Variants in RBPMS observed in about 807,000 individuals in gnomAD.
RBPMS encodes the protein RNA-binding protein with multiple splicing.
A neutral mutation model predicts 26.8 loss-of-function variants in RBPMS; 7 were observed. That is an observed-to-expected ratio of 0.26 (90% CI 0.15 to 0.49). The LOEUF is 0.49. Ranked by LOEUF, RBPMS falls within the 20% of genes least tolerant of loss-of-function variation. The pLI is 0.98. For missense variants in RBPMS, 186 were observed against 250.0 expected (o/e 0.74, Z 1.73); for synonymous variants, 96 against 93.3 (o/e 1.03, Z -0.17).
intron 1 of RBPMS, among the ~76,000 whole-genome samples, chr8:30,449,965 A>G (rs1224229476): frequency 6.6e-6 from 1 of 152,258 alleles, no homozygotes; most frequent in East Asian, 1.9e-4. Context: ...CTTCAAGTCA[A>G]CTAGGATGTC....
At chr8:30,434,830 C>A (rs994009485) in intron 1 of RBPMS, among the ~76,000 whole-genome samples, 2 of 151,972 alleles carry the variant, frequency 1.3e-5, no homozygotes, top group East Asian at 3.9e-4. Context: ...TTTTCTCTGG[C>A]AGCAAGGATT....
At chr8:30,419,450 A>ATTGTGTGTG (rs1554509328) in intron 1 of RBPMS, among the ~76,000 whole-genome samples, 26 of 143,282 alleles carry the variant, frequency 1.8e-4, no homozygotes, top group Admixed American at 2.8e-4. Flanking sequence ...CATCTCAAAA[A>ATTGTGTGTG]TGTGTGTGTG....
intron 1 of RBPMS, among the ~76,000 whole-genome samples, chr8:30,420,943 G>A (rs562844820): frequency 1.3e-5 from 2 of 152,210 alleles, no homozygotes; most frequent in Admixed American, 6.5e-5. Context: ...CAATTGACAG[G>A]CTAGTTAGTA....
intron 6 of RBPMS, chr8:30,553,495 G>C (rs989765212): frequency 6.6e-6 from 1 of 152,256 alleles, no homozygotes; most frequent in Non-Finnish European, 1.5e-5. Flanking sequence ...AGAGCTTGCT[G>C]TAATGGCCTA....
chr8:30,443,388 C>T (rs999066891), intron 1 of RBPMS, among the ~76,000 whole-genome samples: 2 of 152,078 alleles, frequency 1.3e-5, no homozygotes, highest in African/African-American at 2.4e-5. Context: ...GTTAAGAGCC[C>T]AGGCTTTGAA....
intron 6 of RBPMS, chr8:30,552,322 T>G (rs1826458183): frequency 6.6e-6 from 1 of 152,138 alleles, no homozygotes; most frequent in African/African-American, 2.4e-5. Context: ...AATTATAAAA[T>G]GTAGCCTTCA....
chr8:30,438,434 A>G (rs1177828675), intron 1 of RBPMS, among the ~76,000 whole-genome samples: 2 of 152,228 alleles, frequency 1.3e-5, no homozygotes, highest in African/African-American at 4.8e-5. Flanking sequence ...GCAGCCAAAA[A>G]TGCCATTTAC....
At chr8:30,557,350 C>T (rs1237069515) in intron 6 of RBPMS, among the ~76,000 whole-genome samples, 2 of 152,162 alleles carry the variant, frequency 1.3e-5, no homozygotes, top group African/African-American at 2.4e-5. Context: ...TCGGATTTCT[C>T]TAGGACCCAA....
intron 4 of RBPMS, among the ~76,000 whole-genome samples, chr8:30,502,525 G>C (rs904820279): frequency 6.6e-6 from 1 of 152,142 alleles, no homozygotes. Flanking sequence ...CAGGAAGGTT[G>C]GTCAAGTTTA....
intron 5 of RBPMS, 91 bp from the exon 6 acceptor site, chr8:30,544,403 A>T: frequency 1.6e-6 from 2 of 1,283,924 alleles, no homozygotes; most frequent in Non-Finnish European, 2.2e-6. Flanking sequence ...TCCGACAGTG[A>T]TTGGGGCTCG....
chr8:30,553,450 C>G (rs906609937), intron 6 of RBPMS: 1 of 152,374 alleles, frequency 6.6e-6, no homozygotes, highest in East Asian at 1.9e-4. Flanking sequence ...TTATGCTGGG[C>G]TTGGCAGCCT....
chr8:30,394,064 A>G (rs546514133), intron 1 of RBPMS, among the ~76,000 whole-genome samples: 1 of 36,062 alleles, frequency 2.8e-5, no homozygotes, highest in East Asian at 6.0e-4. Flanking sequence ...TCCAGGTTGT[A>G]ATACAGTATT....
chr8:30,556,888 C>A (rs1029569223), intron 6 of RBPMS: 2 of 455,818 alleles, frequency 4.4e-6, no homozygotes, highest in African/African-American at 4.3e-5. Context: ...ACCTCACCCC[C>A]ATCTTCCCCA....
intron 1 of RBPMS, among the ~76,000 whole-genome samples, chr8:30,472,163 A>G (rs1465588727): frequency 6.6e-6 from 1 of 152,248 alleles, no homozygotes; most frequent in East Asian, 1.9e-4. Context: ...CCTAAATGTC[A>G]ACATGTGAAT....
chr8:30,556,665 GCCC>G, intron 6 of RBPMS: 1 of 986,044 alleles, frequency 1.0e-6, no homozygotes, highest in Non-Finnish European at 1.2e-6. Context: ...TAGGTGTCCA[GCCC>G]CCCACCTGCC....
Position 30,453,269 on chromosome 8 carries a change from A to G in RBPMS, c.67-21510A>G, listed in dbSNP as rs1814807610. Among the ~76,000 whole-genome samples, 4 of 152,344 alleles carry G rather than the reference A, an allele frequency of 2.6e-5. No individual in the cohort carries two copies. In the South Asian group the frequency reaches 8.3e-4, roughly 32 times the overall value. On this transcript the variant is annotated intron_variant, in intron 1 of 8. Transcript: ENST00000397323. ...AATATGATCTGTGTACCTGACAGCTAGTTCGAAATGCAGAATCTCAGCCCC... is the reference window on the plus strand; with the variant it reads ...AATATGATCTGTGTACCTGACAGCTGGTTCGAAATGCAGAATCTCAGCCCC...
chr8:30,450,618 C>T (rs1018830414), intron 1 of RBPMS, among the ~76,000 whole-genome samples: 2 of 152,028 alleles, frequency 1.3e-5, no homozygotes, highest in African/African-American at 4.8e-5. Context: ...GAATTCATGA[C>T]ACTTGAAAGA....
intron 4 of RBPMS, among the ~76,000 whole-genome samples, chr8:30,486,364 TA>T (rs140824181): frequency 2.1e-5 from 3 of 140,462 alleles, no homozygotes; most frequent in South Asian, 2.2e-4. Context: ...ATAAATAACA[TA>T]AAAAAAAAAC....
chr8:30,443,187 A>T (rs1437300469), intron 1 of RBPMS, among the ~76,000 whole-genome samples: 1 of 152,200 alleles, frequency 6.6e-6, no homozygotes, highest in East Asian at 1.9e-4. Flanking sequence ...TTTTTGTAAA[A>T]TATTGGAATC....
Sources: allele counts gnomAD v4.1 joint callset (sites outside exome capture counted in the v4.1 genomes callset), GRCh38; gene constraint gnomAD v4.1.1; transcripts MANE v1.5; gene names NCBI Gene and HGNC (gene_info 2026-07-23, HGNC 2026-07-21).